Variants in STMN2 observed in about 807,000 individuals in gnomAD.
STMN2 encodes stathmin-2.
STMN2 carries 2 observed loss-of-function variants against 24.1 expected under a neutral mutation model. That is an observed-to-expected ratio of 0.08 (90% CI 0.03 to 0.26). The LOEUF (loss-of-function observed/expected upper bound fraction) is 0.26, where lower values mean the gene tolerates loss of function less well. Among genes scored for constraint, STMN2 ranks in the 10% least tolerant of loss-of-function variants. The pLI is 1.00. For synonymous variants in STMN2, 83 were observed against 77.5 expected (o/e 1.07, Z -0.37); for missense variants, 114 against 213.6 (o/e 0.53, Z 2.91).
intron 4 of STMN2, among the ~76,000 whole-genome samples, chr8:79,655,633 C>T (rs1806327213): frequency 6.6e-6 from 1 of 152,042 alleles, no homozygotes; most frequent in African/African-American, 2.4e-5. Flanking sequence ...ATCCTGGTGC[C>T]CTTCTCTTCA....
At chr8:79,662,254 G>A (rs1205278208) in intron 4 of STMN2, among the ~76,000 whole-genome samples, 1 of 151,968 alleles carries the variant, frequency 6.6e-6, no homozygotes, top group Admixed American at 6.6e-5. Flanking sequence ...GGAGGAAGGG[G>A]GTAAATTGCA....
intron 4 of STMN2, among the ~76,000 whole-genome samples, chr8:79,656,950 T>C (rs1158107215): frequency 1.3e-5 from 2 of 151,926 alleles, no homozygotes; most frequent in Non-Finnish European, 2.9e-5. Context: ...CTCAGCTCAC[T>C]GCAACCTCTG....
chr8:79,651,974 A>G (rs1810342628), intron 3 of STMN2, among the ~76,000 whole-genome samples: 1 of 152,256 alleles, frequency 6.6e-6, no homozygotes, highest in Admixed American at 6.5e-5. Flanking sequence ...ACACTGATCT[A>G]TGGGAGGAGG....
intron 1 of STMN2, among the ~76,000 whole-genome samples, chr8:79,627,882 T>C (rs962409747): frequency 2.0e-5 from 3 of 152,218 alleles, no homozygotes; most frequent in Admixed American, 6.5e-5. Context: ...CTGTCTTATT[T>C]CACTTGACAT....
At chr8:79,625,077 C>T (rs1809620370) in intron 1 of STMN2, among the ~76,000 whole-genome samples, 1 of 152,194 alleles carries the variant, frequency 6.6e-6, no homozygotes, top group South Asian at 2.1e-4. Flanking sequence ...CTCCTGATCA[C>T]AAATGCTGGC....
rs1810279181 is a variant in STMN2 at position 79,649,029 on chromosome 8, T to A, written c.289-5842T>A. 3.3e-5 allele frequency among the ~76,000 whole-genome samples: 5 copies of A among 152,174 alleles called. No individual in the cohort carries two copies. In the South Asian group the frequency reaches 1.0e-3, roughly 32 times the overall value. Reference sequence around the variant, plus strand: ...TAATCAGCTTCAAAGTCACTAAGCCTCTGAAAGGAAGATGTGTTGCTTATT... The same window carrying A: ...TAATCAGCTTCAAAGTCACTAAGCCACTGAAAGGAAGATGTGTTGCTTATT... On this transcript the variant is annotated intron_variant, in intron 3 of 4. Transcript: ENST00000220876.
In STMN2 at chr8:79,638,050, T is replaced by C. The variant is rs1365516850; in HGVS notation, c.115+1153T>C. Among the ~76,000 whole-genome samples the C allele has an allele frequency of 2.0e-5, 3 of 152,234 alleles. No homozygotes were observed. The East Asian group carries it at 5.8e-4, about 29-fold the overall frequency. On this transcript the variant is annotated intron_variant, in intron 2 of 4. Coordinates refer to ENST00000220876, the MANE Select transcript of STMN2 (RefSeq NM_007029.4). Reference sequence around the variant, plus strand: ...AGGGCCAATGCCTACTTTGTACAAATTCATTCGGTCAGCAAATAAATTAGA... The same window carrying C: ...AGGGCCAATGCCTACTTTGTACAAACTCATTCGGTCAGCAAATAAATTAGA...
intron 1 of STMN2, among the ~76,000 whole-genome samples, chr8:79,628,163 T>A (rs1237000728): frequency 6.6e-6 from 1 of 151,896 alleles, no homozygotes; most frequent in Non-Finnish European, 1.5e-5. Flanking sequence ...TTTTTTTTAT[T>A]TTTTATTTTT....
Position 79,663,512 on chromosome 8 carries a change from TA to T in STMN2, c.481-1302del. The T allele has an allele frequency of 3.9e-6, 4 of 1,029,654 alleles. No homozygotes were observed. The South Asian group carries it at 5.1e-5, about 13-fold the overall frequency. 63.8% of individuals were successfully genotyped at this position (1,029,654 alleles called of 1,614,324 possible). A position where few individuals can be genotyped will look rare whatever the true frequency, so the allele number is the denominator to read the frequency against. On this transcript the variant is annotated intron_variant, in intron 4 of 4. Transcript: ENST00000220876. Reference sequence around the variant, plus strand: ...GCCTAATAAATATTCAGTATTATGATATAAAGAACCCTATAAGTGTAGACTC... The same window carrying T: ...GCCTAATAAATATTCAGTATTATGATTAAAGAACCCTATAAGTGTAGACTC...
chr8:79,621,879 T>C (rs1275667768), intron 1 of STMN2, among the ~76,000 whole-genome samples: 2 of 152,206 alleles, frequency 1.3e-5, no homozygotes, highest in African/African-American at 4.8e-5. Flanking sequence ...TGGTACAAAC[T>C]CTGCTTAGAC....
At chr8:79,624,479 G>GAAAAGAAAAA (rs1411947488) in intron 1 of STMN2, among the ~76,000 whole-genome samples, 1 of 103,458 alleles carries the variant, frequency 9.7e-6, no homozygotes, top group Non-Finnish European at 2.2e-5. Context: ...AAAAAAAAAA[G>GAAAAGAAAAA]AAAGAAAGAA....
chr8:79,614,526 A>C (rs1163793174), intron 1 of STMN2, among the ~76,000 whole-genome samples: 1 of 152,216 alleles, frequency 6.6e-6, no homozygotes. Context: ...TGCAATAAAC[A>C]CTCTCTGTCC....
chr8:79,614,548 G>T (rs780794678), intron 1 of STMN2, among the ~76,000 whole-genome samples: 3 of 152,220 alleles, frequency 2.0e-5, no homozygotes, highest in Non-Finnish European at 4.4e-5. Flanking sequence ...AGTGTAACAC[G>T]TCGCAGGTAG....
At chr8:79,630,905 A>G (rs969180407) in intron 1 of STMN2, among the ~76,000 whole-genome samples, 2 of 152,202 alleles carry the variant, frequency 1.3e-5, no homozygotes, top group Non-Finnish European at 2.9e-5. Flanking sequence ...GGGGGATAAA[A>G]AAATCCCTCA....
chr8:79,658,235 G>T (rs1806418880), intron 4 of STMN2, among the ~76,000 whole-genome samples: 1 of 152,096 alleles, frequency 6.6e-6, no homozygotes, highest in Non-Finnish European at 1.5e-5. Context: ...AGGAGTTCGA[G>T]ACTGCACTCC....
At chr8:79,636,142 A>T (rs1185312567) in intron 1 of STMN2, among the ~76,000 whole-genome samples, 2 of 152,094 alleles carry the variant, frequency 1.3e-5, no homozygotes, top group African/African-American at 4.8e-5. Context: ...ACTTGAGCCC[A>T]GGAGGTGGAG....
At chr8:79,629,100 A>G (rs919220414) in intron 1 of STMN2, among the ~76,000 whole-genome samples, 2 of 152,184 alleles carry the variant, frequency 1.3e-5, no homozygotes, top group Non-Finnish European at 2.9e-5. Context: ...AGCTGCCTCT[A>G]AGATGGATGC....
rs760277680 is a variant in STMN2 at position 79,641,520 on chromosome 8, G to T, written c.258G>T (p.Lys86Asn). The T allele has an allele frequency of 2.5e-6, 4 of 1,613,534 alleles. No individual in the cohort carries two copies. The highest frequency in any genetic ancestry group is 3.4e-6 in the Non-Finnish European group (4 of 1,179,870). Residue 86 changes from lysine to asparagine, a missense_variant, in exon 3 of 5, where the codon AAG becomes AAT. Coordinates refer to ENST00000220876, the MANE Select transcript of STMN2 (RefSeq NM_007029.4). ...KKDLSLEEIQKKLEAAEERRK... is the reference protein window; with the variant it reads ...KKDLSLEEIQNKLEAAEERRK... ...ACCTGTCCCTGGAGGAGATCCAGAA[G>T]AAACTGGAGGCTGCAGAGGAAAGAA...
Position 79,664,843 on chromosome 8 carries a change from A to T in STMN2, c.509A>T (p.Asn170Ile). 1 of 1,613,432 alleles carries T rather than the reference A, an allele frequency of 6.2e-7. No homozygotes were observed. The highest frequency in any genetic ancestry group is 8.5e-7 in the Non-Finnish European group (1 of 1,179,634). ...AGGCATGCTGCGGAGGTGCGCAGGA[A>T]CAAGGAACTCCAGGTTGAACTGTCT... ...KERHAAEVRRNKELQVELSG is the reference protein window; with the variant it reads ...KERHAAEVRRIKELQVELSG Residue 170 changes from asparagine (N) to isoleucine (I), a missense_variant, in exon 5 of 5, where the codon AAC becomes ATC. Coordinates refer to ENST00000220876, the MANE Select transcript of STMN2 (RefSeq NM_007029.4).
Sources: gnomAD v4.1 joint callset for allele counts (sites outside exome capture counted in the v4.1 genomes callset) on GRCh38, gnomAD v4.1.1 for gene constraint, MANE v1.5 for transcripts, NCBI Gene and HGNC (gene_info 2026-07-23, HGNC 2026-07-21) for gene names.